The following ARHGAP21 variants were observed in gnomAD, a reference collection of about 807,000 sequenced individuals.
The protein encoded by ARHGAP21 is rho GTPase-activating protein 21.
Under a neutral mutation model 164.6 loss-of-function variants are expected in ARHGAP21, and 38 were observed. The ratio of observed to expected loss-of-function variants is 0.23; its 90% CI spans 0.18 to 0.30. ARHGAP21 has a LOEUF of 0.30. Among genes scored for constraint, ARHGAP21 ranks in the 10% least tolerant of loss-of-function variants. The pLI, the probability that ARHGAP21 is intolerant of heterozygous loss-of-function variation, is 1.00. For missense variants in ARHGAP21, 1,822 were observed against 2,370.7 expected, an observed-to-expected ratio of 0.77 and a Z score of 4.81; for synonymous variants, 766 against 857.9, an observed-to-expected ratio of 0.89 and a Z score of 1.87.
intron 8 of ARHGAP21, among the ~76,000 whole-genome samples, chr10:24,622,271 G>A (rs1468920976): frequency 2.0e-5 from 3 of 151,756 alleles, no homozygotes; most frequent in East Asian, 3.9e-4. Flanking sequence ...TTCAGCATCT[G>A]AGACAGATGT....
chr10:24,590,421 C>T lies in ARHGAP21; in HGVS notation c.4150+804G>A, dbSNP rs978575676. Reference sequence around the variant, plus strand: ...TCTTCCTACAGTTCCAGCTGTCCATCAGGGACATCACAGAATCCACTAGTG... The same window carrying T: ...TCTTCCTACAGTTCCAGCTGTCCATTAGGGACATCACAGAATCCACTAGTG... On this transcript the variant is annotated intron_variant, in intron 24 of 25. Transcript: ENST00000396432. 4 of 1,535,300 alleles carry T rather than the reference C, an allele frequency of 2.6e-6. No homozygotes were observed. The African/African-American group carries it at 5.5e-5, about 21-fold the overall frequency.
At chr10:24,588,643 C>T (rs2076205433) in intron 25 of ARHGAP21, among the ~76,000 whole-genome samples, 1 of 152,094 alleles carries the variant, frequency 6.6e-6, no homozygotes. Context: ...CTCAACAGTG[C>T]AAAATTTAGA....
chr10:24,614,679 A>T (rs1174918784), intron 9 of ARHGAP21, among the ~76,000 whole-genome samples: 1 of 151,476 alleles, frequency 6.6e-6, no homozygotes, highest in Non-Finnish European at 1.5e-5. Flanking sequence ...GCTACTTGGG[A>T]GACTGAGGTG....
intron 21 of ARHGAP21, among the ~76,000 whole-genome samples, chr10:24,592,504 TAAAATCA>T (rs1203646586): frequency 6.6e-6 from 1 of 151,984 alleles, no homozygotes; most frequent in Non-Finnish European, 1.5e-5. Flanking sequence ...ATAAAAATGT[TAAAATCA>T]AAGGAAAAAA....
At chr10:24,660,448 C>G (rs1230224878) in intron 4 of ARHGAP21, among the ~76,000 whole-genome samples, 2 of 138,924 alleles carry the variant, frequency 1.4e-5, no homozygotes. Context: ...CTCCCAAAGA[C>G]TTCAGAAAAG....
At chr10:24,692,145 G>C (rs1252998125) in intron 2 of ARHGAP21, among the ~76,000 whole-genome samples, 1 of 152,208 alleles carries the variant, frequency 6.6e-6, no homozygotes, top group African/African-American at 2.4e-5. Context: ...AAGTCTAGTA[G>C]ATGGAGAGGA....
chr10:24,701,945 T>C (rs1162701192), intron 2 of ARHGAP21, among the ~76,000 whole-genome samples: 2 of 152,148 alleles, frequency 1.3e-5, no homozygotes, highest in African/African-American at 4.8e-5. Flanking sequence ...ACAGCTGTCA[T>C]TGGACTTGAA....
chr10:24,656,601 G>A (rs1350520382), intron 4 of ARHGAP21, among the ~76,000 whole-genome samples: 8 of 92,702 alleles, frequency 8.6e-5, no homozygotes, highest in East Asian at 3.6e-4. Flanking sequence ...CAGCCGCCCC[G>A]TCTGGGAGGT....
intron 17 of ARHGAP21, chr10:24,596,337 T>C (rs559848382): frequency 2.3e-6 from 1 of 426,274 alleles, no homozygotes; most frequent in African/African-American, 2.1e-5. Context: ...GAATAAAGAG[T>C]CAAGAAAAGA....
intron 2 of ARHGAP21, among the ~76,000 whole-genome samples, chr10:24,679,280 G>A (rs539309957): frequency 5.9e-5 from 9 of 152,310 alleles, no homozygotes; most frequent in Non-Finnish European, 1.2e-4. Context: ...CAGATTCAGT[G>A]TTTGGTGAAG....
chr10:24,696,298 G>A (rs373168779), intron 2 of ARHGAP21, among the ~76,000 whole-genome samples: 5 of 152,316 alleles, frequency 3.3e-5, no homozygotes, highest in African/African-American at 1.2e-4. Context: ...GTGGCCCAGA[G>A]AGACAGAAAG....
Position 24,620,756 on chromosome 10 carries a change from G to T in ARHGAP21, c.1139C>A (p.Ser380Tyr). The change falls in exon 9 of 26, where the codon TCC becomes TAC. Residue 380 changes from serine (S) to tyrosine (Y), a missense_variant. Ser to Tyr is a moderately radical substitution (Grantham distance 144). This residue lies in a region of ARHGAP21 where 1,090 missense variants were observed against 1,378.9 expected (regional missense o/e 0.79). Transcript: ENST00000396432. The stretch of plus-strand genomic sequence containing the variant: ...GTTTTTCCAGTCTATGTGCTGATGG[G>T]AATTTGGCGAATAGTGATTAACAGA... ...SVSVNHYSPN[S>Y]HQHIDWKNYK... 6.2e-7 allele frequency: 1 copy of T among 1,614,136 alleles called. No individual in the cohort carries two copies. Among genetic ancestry groups the T allele is most frequent in the Non-Finnish European group, 8.5e-7 (1 of 1,180,030 alleles).
rs1834433922 is a variant in ARHGAP21, at chr10:24,620,521, C to A, written c.1374G>T (p.Val458=). 6.2e-7 allele frequency: 1 copy of A among 1,611,330 alleles called. No individual in the cohort carries two copies. The highest frequency in any genetic ancestry group is 1.1e-5 in the South Asian group (1 of 90,748). ...PQSVQIRQRS[V]SQERLEDSVL... is the part of the protein sequence containing the mutation. ...CAGAATCTTCCAGTCTTTCTTGGGA[C>A]ACACTGCGTTGCCGTATCTGGACAG... The change falls in exon 9 of 26, where the codon GTG becomes GTT. Residue 458 remains valine (V), a synonymous_variant. Transcript: ENST00000396432.
chr10:24,608,582 A>G (rs923342059), intron 9 of ARHGAP21, among the ~76,000 whole-genome samples: 1 of 152,200 alleles, frequency 6.6e-6, no homozygotes, highest in Non-Finnish European at 1.5e-5. Flanking sequence ...ACAATGATAA[A>G]CCAGGATTTT....
At chr10:24,693,106 A>G (rs575027367) in intron 2 of ARHGAP21, among the ~76,000 whole-genome samples, 8 of 152,354 alleles carry the variant, frequency 5.3e-5, no homozygotes, top group Admixed American at 1.3e-4. Flanking sequence ...CACAAAAGGC[A>G]TAACAGAGGC....
chr10:24,696,683 A>G (rs755831128), intron 2 of ARHGAP21, among the ~76,000 whole-genome samples: 4 of 152,186 alleles, frequency 2.6e-5, no homozygotes, highest in Non-Finnish European at 5.9e-5. Flanking sequence ...GGAAAAAATG[A>G]TGGCCCACAT....
chr10:24,703,270 A>AT (rs1326517088), intron 2 of ARHGAP21, among the ~76,000 whole-genome samples: 2 of 152,268 alleles, frequency 1.3e-5, no homozygotes, highest in East Asian at 1.9e-4. Context: ...AAATTAATGG[A>AT]TTTTTTACTA....
Position 24,653,921 on chromosome 10 carries a change from AAAG to A in ARHGAP21, c.268+13061_268+13063del, listed in dbSNP as rs1430648272. Among the ~76,000 whole-genome samples the A allele has an allele frequency of 1.2e-4, 19 of 152,244 alleles. 1 individual carries two copies. The highest frequency in any genetic ancestry group is 7.3e-5 in the Non-Finnish European group (5 of 68,052). On this transcript the variant is annotated intron_variant, in intron 4 of 25. Transcript: ENST00000396432. Reference sequence around the variant, plus strand: ...AGGACATTACTAAGAAAGTGAAAAAAAAGAAGGTGAAAAGACGACCTACATAAT... The same window carrying A: ...AGGACATTACTAAGAAAGTGAAAAAAAAGGTGAAAAGACGACCTACATAAT...
At chr10:24,647,902 A>T (rs1837736687) in intron 4 of ARHGAP21, among the ~76,000 whole-genome samples, 1 of 152,158 alleles carries the variant, frequency 6.6e-6, no homozygotes. Context: ...CAGTGACACG[A>T]TCTTGGCTCA....
Sources: allele counts gnomAD v4.1 joint callset (sites outside exome capture counted in the v4.1 genomes callset), GRCh38; gene constraint gnomAD v4.1.1; regional missense constraint gnomAD v4.1.1; transcripts MANE v1.5; gene names NCBI Gene and HGNC (gene_info 2026-07-23, HGNC 2026-07-21).